PRKG1: variants seen among roughly 807,000 people sequenced by gnomAD.
The protein encoded by PRKG1 is cGMP-dependent protein kinase 1.
A neutral mutation model predicts 88.1 loss-of-function variants in PRKG1; 35 were observed. That is an observed-to-expected ratio of 0.40 (90% CI 0.30 to 0.53). The LOEUF is 0.53. Among genes scored for constraint, PRKG1 ranks in the 20% least tolerant of loss-of-function variants. PRKG1 has a pLI of 0.59. For synonymous variants in PRKG1, 303 were observed against 292.5 expected (o/e 1.04, Z -0.37); for missense variants, 540 against 839.8 (o/e 0.64, Z 4.41).
chr10:51,363,767 AC>A (rs1329997322), intron 2 of PRKG1, among the ~76,000 whole-genome samples: 1 of 151,928 alleles, frequency 6.6e-6, no homozygotes, highest in African/African-American at 2.4e-5. Flanking sequence ...ACCCTGTGGT[AC>A]CCATTAGTCA....
At chr10:51,442,112 T>C (rs1425254259) in intron 2 of PRKG1, among the ~76,000 whole-genome samples, 1 of 151,972 alleles carries the variant, frequency 6.6e-6, no homozygotes, top group Non-Finnish European at 1.5e-5. Flanking sequence ...TAAAGTTCAC[T>C]TTTTACATTT....
chr10:51,106,560 G>A (rs139350732), intron 1 of PRKG1, among the ~76,000 whole-genome samples: 5 of 152,224 alleles, frequency 3.3e-5, no homozygotes, highest in South Asian at 4.1e-4. Flanking sequence ...GTCTGTGCCC[G>A]CCTTGCTCAG....
At position 51,514,551 on chromosome 10, in the gene PRKG1, T is replaced by A. The variant is rs578046306; in HGVS notation, c.592+46715T>A. Reference sequence around the variant, plus strand: ...ACTTAAAGGCAAAGCATGGTAAATATGCTTCTTAAAAGCCATGATGTGGCT... The same window carrying A: ...ACTTAAAGGCAAAGCATGGTAAATAAGCTTCTTAAAAGCCATGATGTGGCT... On this transcript the variant is annotated intron_variant, in intron 3 of 17. Transcript: ENST00000373980. 2.2e-4 allele frequency among the ~76,000 whole-genome samples: 34 copies of A among 152,334 alleles called. No homozygotes were observed. The East Asian group carries it at 6.6e-3, about 29-fold the overall frequency.
At chr10:51,914,901 G>A (rs1246531502) in intron 5 of PRKG1, among the ~76,000 whole-genome samples, 3 of 151,996 alleles carry the variant, frequency 2.0e-5, no homozygotes, top group African/African-American at 7.2e-5. Context: ...TTATAAGAAA[G>A]TTTTTTAAAA....
intron 9 of PRKG1, among the ~76,000 whole-genome samples, chr10:52,212,603 G>C (rs1334891210): frequency 1.3e-5 from 2 of 151,616 alleles, no homozygotes; most frequent in Non-Finnish European, 2.9e-5. Flanking sequence ...GTTGGGGGGA[G>C]AGGGGTGGTG....
chr10:51,816,657 A>T (rs899609320), intron 4 of PRKG1, among the ~76,000 whole-genome samples: 7 of 151,748 alleles, frequency 4.6e-5, no homozygotes, highest in Admixed American at 4.6e-4. Flanking sequence ...AGTTCTAATA[A>T]TGATGTAATT....
At chr10:51,462,184 T>C (rs1839765773) in intron 2 of PRKG1, among the ~76,000 whole-genome samples, 1 of 152,230 alleles carries the variant, frequency 6.6e-6, no homozygotes, top group Non-Finnish European at 1.5e-5. Context: ...AGTTCTTGTC[T>C]AGACAAGACC....
At chr10:51,722,000 G>T (rs1842024453) in intron 3 of PRKG1, among the ~76,000 whole-genome samples, 2 of 152,328 alleles carry the variant, frequency 1.3e-5, no homozygotes, top group Admixed American at 1.3e-4. Context: ...GGGAGGCTGA[G>T]GCAGGTGGCT....
At chr10:51,766,952 A>G (rs1194892235) in intron 3 of PRKG1, among the ~76,000 whole-genome samples, 4 of 152,020 alleles carry the variant, frequency 2.6e-5, no homozygotes, top group African/African-American at 9.7e-5. Context: ...ACAGAAGCCA[A>G]CTCCACAATA....
At chr10:51,304,418 T>G (rs983213515) in intron 2 of PRKG1, among the ~76,000 whole-genome samples, 12 of 152,174 alleles carry the variant, frequency 7.9e-5, no homozygotes, top group Non-Finnish European at 1.2e-4. Flanking sequence ...AAATCTATTT[T>G]AATCATATAC....
chr10:51,291,385 A>T (rs1178728236), intron 2 of PRKG1, among the ~76,000 whole-genome samples: 1 of 152,076 alleles, frequency 6.6e-6, no homozygotes, highest in East Asian at 1.9e-4. Flanking sequence ...CCCCACTCGG[A>T]TCTTCTTTTC....
intron 5 of PRKG1, among the ~76,000 whole-genome samples, chr10:52,014,810 A>G (rs1377915523): frequency 1.3e-5 from 2 of 152,232 alleles, no homozygotes; most frequent in East Asian, 3.9e-4. Context: ...GCCCCATGTA[A>G]GTCTGAAAGC....
chr10:52,060,266 T>C (rs1275397790), intron 6 of PRKG1, among the ~76,000 whole-genome samples: 1 of 151,844 alleles, frequency 6.6e-6, no homozygotes, highest in East Asian at 1.9e-4. Flanking sequence ...CAGATGTAAA[T>C]GTGAAAAGAA....
chr10:52,034,332 G>A lies in PRKG1; in HGVS notation c.763-20152G>A, dbSNP rs1401715516. Among the ~76,000 whole-genome samples, 12 of 123,854 alleles carry A rather than the reference G, an allele frequency of 9.7e-5. No individual in the cohort carries two copies. The East Asian group carries it at 2.8e-3, about 29-fold the overall frequency. The allele number at this position is 123,854 out of a possible 152,430, so 81.3% of individuals were successfully genotyped here. On this transcript the variant is annotated intron_variant, in intron 5 of 17. Coordinates refer to ENST00000373980, the MANE Select transcript of PRKG1 (RefSeq NM_006258.4). ...GATGTTTCTCAGGGCTGCTTCAAGC[G>A]GGATTAGGGGTGACGTGGGAACCTA...
At chr10:51,232,990 C>T (rs1221200566) in intron 2 of PRKG1, among the ~76,000 whole-genome samples, 1 of 152,156 alleles carries the variant, frequency 6.6e-6, no homozygotes, top group African/African-American at 2.4e-5. Flanking sequence ...GGCTCAAAGA[C>T]TCAAGATATT....
At chr10:51,957,093 T>C (rs1219131138) in intron 5 of PRKG1, among the ~76,000 whole-genome samples, 3 of 126,138 alleles carry the variant, frequency 2.4e-5, no homozygotes, top group Non-Finnish European at 5.0e-5. Flanking sequence ...TCCTTCTGTC[T>C]TTTCTTTCTC....
chr10:52,034,499 A>C (rs1845554525), intron 5 of PRKG1, among the ~76,000 whole-genome samples: 1 of 151,966 alleles, frequency 6.6e-6, no homozygotes, highest in African/African-American at 2.4e-5. Flanking sequence ...AATGGAATAA[A>C]GGAAGGAGAA....
intron 1 of PRKG1, among the ~76,000 whole-genome samples, chr10:51,036,819 T>C (rs1291187241): frequency 6.6e-6 from 1 of 152,140 alleles, no homozygotes; most frequent in Non-Finnish European, 1.5e-5. Flanking sequence ...AAGGAACCAA[T>C]GTTTAGGGAG....
intron 9 of PRKG1, among the ~76,000 whole-genome samples, chr10:52,242,968 A>G (rs1468371473): frequency 6.6e-6 from 1 of 152,192 alleles, no homozygotes; most frequent in Admixed American, 6.6e-5. Context: ...AATTTATTTC[A>G]AACTGTAAAA....
Sources: allele counts gnomAD v4.1 joint callset (sites outside exome capture counted in the v4.1 genomes callset), GRCh38; gene constraint gnomAD v4.1.1; transcripts MANE v1.5; gene names NCBI Gene and HGNC (gene_info 2026-07-23, HGNC 2026-07-21).